Variants in MKX observed in about 807,000 individuals in gnomAD.
MKX encodes mohawk homeobox.
In MKX, 13 loss-of-function variants were observed where a neutral mutation model predicts 36.0. The observed-to-expected ratio is 0.36, with a 90% confidence interval of 0.24 to 0.57. The LOEUF is 0.57. MKX is among the 20% of genes least tolerant of loss of function. MKX has a pLI of 0.79. For synonymous variants in MKX, 176 were observed against 178.3 expected (o/e 0.99, Z 0.10); for missense variants, 458 against 456.4 (o/e 1.00, Z -0.03).
In MKX at chr10:27,674,708, G is replaced by A. The variant is rs757327244; in HGVS notation, c.*521C>T. ...AAGATACATGCATAAAATTCTCACC[G>A]TCACTCTGAAAAGCACATTGAACAA... On this transcript the variant is annotated 3_prime_UTR_variant, in exon 7 of 7. Coordinates refer to ENST00000419761, the MANE Select transcript of MKX (RefSeq NM_173576.3). 5 of 152,308 alleles carry A rather than the reference G, an allele frequency of 3.3e-5. No individual in the cohort carries two copies. The highest frequency in any genetic ancestry group is 2.1e-4 in the South Asian group (1 of 4,828). The allele number at this position is 152,308 out of a possible 1,614,324, so 9.4% of individuals were successfully genotyped here. A position where few individuals can be genotyped will look rare whatever the true frequency, so the allele number is the denominator to read the frequency against.
chr10:27,694,507 C>T (rs1394719647), intron 5 of MKX, among the ~76,000 whole-genome samples: 4 of 86,450 alleles, frequency 4.6e-5, no homozygotes, highest in Non-Finnish European at 6.3e-5. Flanking sequence ...AGCGAAACCC[C>T]GTCTCTACTA....
chr10:27,734,491 G>A lies in MKX; in HGVS notation c.803C>T (p.Ser268Leu), dbSNP rs1834703498. ...GACAAAGTTGCCTTCAGTTTCTGAT[G>A]ACGATGGAGACACTAATTCTTCCTC... is the stretch of plus-strand genomic sequence containing the variant. ...EFEEELVSPSSSETEGNFVYR... is the reference protein window; with the variant it reads ...EFEEELVSPSLSETEGNFVYR... The change falls in exon 5 of 7, where the codon TCA becomes TTA. Residue 268 changes from serine (S) to leucine (L), a missense_variant. Physicochemically the swap from Ser to Leu is moderately radical, Grantham distance 145 (BLOSUM62 -2). This residue lies in a region of MKX where 297 missense variants were observed against 304.4 expected (regional missense o/e 0.98). Coordinates refer to ENST00000419761, the MANE Select transcript of MKX (RefSeq NM_173576.3). 3.1e-6 allele frequency: 5 copies of A among 1,614,192 alleles called. No individual in the cohort carries two copies. The highest frequency in any genetic ancestry group is 4.2e-6 in the Non-Finnish European group (5 of 1,180,016).
At chr10:27,689,737 C>T (rs1397559522) in intron 5 of MKX, among the ~76,000 whole-genome samples, 1 of 152,070 alleles carries the variant, frequency 6.6e-6, no homozygotes, top group Non-Finnish European at 1.5e-5. Flanking sequence ...GCCAAGAGAT[C>T]TACTCTAAAT....
chr10:27,727,360 G>A (rs1478151505), intron 5 of MKX, among the ~76,000 whole-genome samples: 1 of 152,216 alleles, frequency 6.6e-6, no homozygotes, highest in Non-Finnish European at 1.5e-5. Context: ...CACAGCTCAT[G>A]TTGCCAATAT....
chr10:27,695,796 G>C (rs1052170685), intron 5 of MKX, among the ~76,000 whole-genome samples: 4 of 152,138 alleles, frequency 2.6e-5, no homozygotes, highest in African/African-American at 9.7e-5. Flanking sequence ...CAGAAAGTGG[G>C]CCAGAGTTGG....
intron 5 of MKX, among the ~76,000 whole-genome samples, chr10:27,733,068 A>G (rs1834668314): frequency 6.6e-6 from 1 of 152,112 alleles, no homozygotes; most frequent in African/African-American, 2.4e-5. Context: ...ATTATTGGCC[A>G]AATTTTCTTT....
intron 5 of MKX, among the ~76,000 whole-genome samples, chr10:27,686,096 T>C (rs1240023612): frequency 6.6e-6 from 1 of 152,276 alleles, no homozygotes; most frequent in East Asian, 1.9e-4. Context: ...CTGGTGAAGA[T>C]CAAGGCTACT....
In MKX at chr10:27,742,396, C is replaced by T. The variant is rs1225816614; in HGVS notation, c.188+832G>A. On this transcript the variant is annotated intron_variant, in intron 2 of 6. Transcript: ENST00000419761. This position sits in a 1 kb window ranked among gnomAD's most constrained non-coding sequence, Gnocchi z 4.2. ...TCTTTAAACACTTTGAAATGCAATT[C>T]CACCCGAAACGACTGGTAGTAACAT... Among the ~76,000 whole-genome samples, 1 of 152,190 alleles carries T rather than the reference C, an allele frequency of 6.6e-6. No individual in the cohort carries two copies. The highest frequency in any genetic ancestry group is 1.9e-4 in the East Asian group (1 of 5,164).
chr10:27,711,034 T>C (rs1836841508), intron 5 of MKX, among the ~76,000 whole-genome samples: 1 of 152,236 alleles, frequency 6.6e-6, no homozygotes, highest in South Asian at 2.1e-4. Flanking sequence ...GAGTTTCCTT[T>C]AGAAACGTGT....
In MKX at chr10:27,675,305, G is replaced by C; in HGVS notation, c.983C>G (p.Thr328Ser). 6.2e-7 allele frequency: 1 copy of C among 1,614,144 alleles called. No homozygotes were observed. The highest frequency in any genetic ancestry group is 8.5e-7 in the Non-Finnish European group (1 of 1,180,018). ...GGACGACTTCTGGATGATGCAGCTG[G>C]TAGTTCCCTGCAGTTTGTCCTTTCC... ...AQGKDKLQGTTSCIIQKSSHI... is the reference protein window; with the variant it reads ...AQGKDKLQGTSSCIIQKSSHI... The change falls in exon 7 of 7, where the codon ACC (threonine) becomes AGC (serine). Residue 328 changes from threonine (T) to serine (S), a missense_variant. Physicochemically the swap from Thr to Ser is moderately conservative, Grantham distance 58. This residue lies in a region of MKX where 297 missense variants were observed against 304.4 expected (regional missense o/e 0.98). Coordinates refer to ENST00000419761, the MANE Select transcript of MKX (RefSeq NM_173576.3).
rs146179080 is a variant in MKX at position 27,704,707 on chromosome 10, C to T, written c.839-29153G>A. On this transcript the variant is annotated intron_variant, in intron 5 of 6. Transcript: ENST00000419761. ...ATACTATACCTCAAACGAAGATATT[C>T]CAAATTGATGAAAGATGTGAAGTGA... Among the ~76,000 whole-genome samples, 510 of 152,096 alleles carry T rather than the reference C, an allele frequency of 3.4e-3. 2 individuals carry two copies. The highest frequency in any genetic ancestry group is 5.3e-3 in the Non-Finnish European group (363 of 67,972).
intron 5 of MKX, among the ~76,000 whole-genome samples, chr10:27,722,213 A>G (rs1348640410): frequency 6.6e-6 from 1 of 152,102 alleles, no homozygotes; most frequent in Non-Finnish European, 1.5e-5. Flanking sequence ...TTGGCCTCCT[A>G]CCCCATGGTC....
rs903485157 is a variant in MKX, at chr10:27,730,873, G to A, written c.838+3583C>T. ...TTGGCAGCCGGGCGCGGTGGCTCAC[G>A]CCTGTAATCCCAGCACTTTGGGAGG... On this transcript the variant is annotated intron_variant, in intron 5 of 6. Transcript: ENST00000419761. Among the ~76,000 whole-genome samples, 10 of 151,864 alleles carry A rather than the reference G, an allele frequency of 6.6e-5. No individual in the cohort carries two copies. In the East Asian group the frequency reaches 1.2e-3, roughly 18 times the overall value.
intron 5 of MKX, among the ~76,000 whole-genome samples, chr10:27,710,456 A>G (rs746103041): frequency 1.3e-5 from 2 of 152,102 alleles, no homozygotes; most frequent in Non-Finnish European, 2.9e-5. Context: ...ACACTCCCCA[A>G]TGTCCTCCAA....
intron 5 of MKX, among the ~76,000 whole-genome samples, chr10:27,706,778 C>A (rs1028380587): frequency 6.6e-6 from 1 of 152,070 alleles, no homozygotes; most frequent in Non-Finnish European, 1.5e-5. Flanking sequence ...AGTTGAATGG[C>A]CTACCTTTGA....
At chr10:27,743,830 G>C (rs1198403708) in intron 1 of MKX, among the ~76,000 whole-genome samples, 4 of 152,180 alleles carry the variant, frequency 2.6e-5, no homozygotes, top group African/African-American at 4.8e-5. Flanking sequence ...TTGAATCTGG[G>C]AGAGGCATAC....
chr10:27,729,305 T>C (rs1266097894), intron 5 of MKX, among the ~76,000 whole-genome samples: 2 of 150,010 alleles, frequency 1.3e-5, no homozygotes, highest in East Asian at 3.9e-4. Flanking sequence ...TTTTTTTTTT[T>C]TTTTTTGAGA....
At position 27,694,527 on chromosome 10, in the gene MKX, A is replaced by AAATATATATAT. The variant is rs547670335; in HGVS notation, c.839-18974_839-18973insATATATATATT. On this transcript the variant is annotated intron_variant, in intron 5 of 6. Transcript: ENST00000419761. ...AACCCCGTCTCTACTAAAAAAAAAAAATATATATATATATATAAATTAGCC... is the reference window on the plus strand; with the variant it reads ...AACCCCGTCTCTACTAAAAAAAAAAAAATATATATATATATATATATATATATAAATTAGCC... Among the ~76,000 whole-genome samples, 440 of 114,322 alleles carry AAATATATATAT rather than the reference A, an allele frequency of 3.8e-3. 11 individuals are homozygous for AAATATATATAT. The East Asian group carries it at 0.05, about 13-fold the overall frequency. The allele number at this position is 114,322 out of a possible 152,430, so 75.0% of individuals were successfully genotyped here.
intron 5 of MKX, among the ~76,000 whole-genome samples, chr10:27,695,435 GA>G (rs143932170): frequency 2.1e-3 from 301 of 142,170 alleles, no homozygotes; most frequent in African/African-American, 4.2e-3. Flanking sequence ...AGGCTTAACA[GA>G]AAAAAAAAAA....
Sources: allele counts gnomAD v4.1 joint callset (sites outside exome capture counted in the v4.1 genomes callset), GRCh38; gene constraint gnomAD v4.1.1; regional missense constraint gnomAD v4.1.1; non-coding constraint Gnocchi (gnomAD v3.1); transcripts MANE v1.5; gene names NCBI Gene and HGNC (gene_info 2026-07-23, HGNC 2026-07-21).